Variants in AFAP1L2 observed in about 807,000 individuals in gnomAD.
The protein encoded by AFAP1L2 is actin filament-associated protein 1-like 2.
AFAP1L2 carries 46 observed loss-of-function variants against 99.3 expected under a neutral mutation model. That is an observed-to-expected ratio of 0.46 (90% CI 0.37 to 0.59). AFAP1L2 has a LOEUF of 0.59. Among genes scored for constraint, AFAP1L2 ranks in the 20% least tolerant of loss-of-function variants. The probability of loss-of-function intolerance (pLI) is 0.00; values close to 1 mark genes in which losing one functional copy is unlikely to be tolerated. For missense variants in AFAP1L2, 959 were observed against 1,034.9 expected (o/e 0.93, Z 1.01); for synonymous variants, 397 against 419.1 (o/e 0.95, Z 0.64).
chr10:114,347,011 A>G (rs2049701680), intron 1 of AFAP1L2, among the ~76,000 whole-genome samples: 1 of 152,194 alleles, frequency 6.6e-6, no homozygotes, highest in Non-Finnish European at 1.5e-5. Flanking sequence ...CTATGCACAC[A>G]TTTTTATTTA....
chr10:114,340,975 C>A, intron 1 of AFAP1L2: 2 of 561,880 alleles, frequency 3.6e-6, no homozygotes, highest in Non-Finnish European at 6.3e-6. Context: ...GAAGTCCCAG[C>A]CCTACCAGGT....
chr10:114,356,442 A>G (rs576641029), intron 1 of AFAP1L2, among the ~76,000 whole-genome samples: 12 of 152,226 alleles, frequency 7.9e-5, no homozygotes, highest in Non-Finnish European at 1.5e-4. Flanking sequence ...AATATTGATG[A>G]CATGTTGAAA....
intron 1 of AFAP1L2, among the ~76,000 whole-genome samples, chr10:114,371,528 T>C (rs1031291237): frequency 6.6e-6 from 1 of 152,064 alleles, no homozygotes; most frequent in Non-Finnish European, 1.5e-5. Context: ...TTTTTCTTTT[T>C]TTAAAAAAAA....
chr10:114,383,354 G>A (rs2055981129), intron 1 of AFAP1L2, among the ~76,000 whole-genome samples: 1 of 151,938 alleles, frequency 6.6e-6, no homozygotes, highest in Non-Finnish European at 1.5e-5. Context: ...AAGGAAAGAT[G>A]GAAGGGAGGG....
rs78540085 is a variant in AFAP1L2, at chr10:114,393,819, G to A, written c.16+10621C>T. On this transcript the variant is annotated intron_variant, in intron 1 of 18. Coordinates refer to ENST00000304129, the MANE Select transcript of AFAP1L2 (RefSeq NM_001001936.3). ...CCAAAGCAGCCTCAGAAGGGCGGGA[G>A]ATGGGCGCTTGCCCGCTGAGAAGCA... Among the ~76,000 whole-genome samples, 74 of 152,370 alleles carry A rather than the reference G, an allele frequency of 4.9e-4. 1 individual carries two copies. Among genetic ancestry groups the A allele is most frequent in the African/African-American group, 1.6e-3 (68 of 41,592 alleles).
At chr10:114,374,340 C>G (rs967305054) in intron 1 of AFAP1L2, among the ~76,000 whole-genome samples, 3 of 152,192 alleles carry the variant, frequency 2.0e-5, no homozygotes, top group African/African-American at 4.8e-5. Flanking sequence ...GTGAGACAAA[C>G]AGCACAGCTG....
At chr10:114,395,440 C>T (rs1175489195) in intron 1 of AFAP1L2, among the ~76,000 whole-genome samples, 3 of 152,160 alleles carry the variant, frequency 2.0e-5, no homozygotes, top group African/African-American at 4.8e-5. Flanking sequence ...TCCAAAAGGA[C>T]CACATTTGAA....
chr10:114,401,246 C>T (rs1357388328), intron 1 of AFAP1L2, among the ~76,000 whole-genome samples: 1 of 152,174 alleles, frequency 6.6e-6, no homozygotes, highest in Admixed American at 6.5e-5. Context: ...AAGTATGATG[C>T]AATTTCAGGA....
intron 1 of AFAP1L2, among the ~76,000 whole-genome samples, chr10:114,381,795 A>AT (rs1224700033): frequency 1.3e-5 from 2 of 152,158 alleles, no homozygotes; most frequent in African/African-American, 4.8e-5. Context: ...TCCTTCACAC[A>AT]TAAAAAGCTC....
At chr10:114,328,761 T>C (rs1467976471) in intron 4 of AFAP1L2, among the ~76,000 whole-genome samples, 2 of 152,212 alleles carry the variant, frequency 1.3e-5, no homozygotes, top group Non-Finnish European at 2.9e-5. Context: ...CTAAGAGTGA[T>C]GGCTGCTTCA....
chr10:114,329,309 G>A (rs745791951), intron 4 of AFAP1L2, among the ~76,000 whole-genome samples: 2 of 152,174 alleles, frequency 1.3e-5, no homozygotes, highest in Non-Finnish European at 2.9e-5. Context: ...GGCCCGCAGG[G>A]ACTCTCCGTG....
chr10:114,281,272 G>T, the AFAP1L2 span: 1 of 152,326 alleles, frequency 6.6e-6, no homozygotes, highest in East Asian at 1.9e-4. Flanking sequence ...CCAACCCAGA[G>T]TGGGGCTTTC....
Position 114,299,295 on chromosome 10 carries a change from T to C in AFAP1L2, c.2078A>G (p.Lys693Arg). 1 of 1,614,256 alleles carries C rather than the reference T, an allele frequency of 6.2e-7. No individual in the cohort carries two copies. Among genetic ancestry groups the C allele is most frequent in the Non-Finnish European group, 8.5e-7 (1 of 1,180,038 alleles). The change falls in exon 16 of 19, where the codon AAA (lysine) becomes AGA (arginine). Residue 693 changes from lysine (K) to arginine (R), a missense_variant. Transcript: ENST00000304129. ...RGHLAQLRKEKRELKETLLKC... is the reference protein window; with the variant it reads ...RGHLAQLRKERRELKETLLKC... The stretch of plus-strand genomic sequence containing the variant: ...CAGTAGGGTTTCCTTTAGCTCCCGT[T>C]TCTCTTTCCGGAGCTGAGCCAGGTG...
intron 1 of AFAP1L2, among the ~76,000 whole-genome samples, chr10:114,398,427 G>C (rs1159439768): frequency 6.6e-6 from 1 of 152,250 alleles, no homozygotes; most frequent in African/African-American, 2.4e-5. Context: ...AAAGCACACA[G>C]TGGGCAGAGC....
intron 1 of AFAP1L2, among the ~76,000 whole-genome samples, chr10:114,403,900 G>A (rs2058466773): frequency 1.3e-5 from 2 of 152,206 alleles, no homozygotes; most frequent in African/African-American, 2.4e-5. Context: ...GGAGAGAAAC[G>A]ATGACCCGAA....
At position 114,297,026 on chromosome 10, in the gene AFAP1L2, A is replaced by G; in HGVS notation, c.2382T>C (p.Pro794=). ...VNSATTLKNR[P]LSVVVTGKGT... is the part of the protein sequence containing the mutation. ...CTTTGCCTGTGACCACGACCGAGAG[A>G]GGCCTGTTCTTGAGTGTGGTTGCAG... The change falls in exon 18 of 19, where the codon CCT becomes CCC. Residue 794 remains proline (P), a synonymous_variant. Transcript: ENST00000304129. The G allele has an allele frequency of 1.2e-6, 2 of 1,613,966 alleles. No homozygotes were observed. The highest frequency in any genetic ancestry group is 1.7e-6 in the Non-Finnish European group (2 of 1,179,978).
At chr10:114,322,586 G>C (rs887834416) in intron 5 of AFAP1L2, among the ~76,000 whole-genome samples, 1 of 152,196 alleles carries the variant, frequency 6.6e-6, no homozygotes, top group African/African-American at 2.4e-5. Flanking sequence ...TAACTCCCCT[G>C]TCCTGCAGAA....
chr10:114,373,472 A>C (rs2054389962), intron 1 of AFAP1L2, among the ~76,000 whole-genome samples: 1 of 152,070 alleles, frequency 6.6e-6, no homozygotes, highest in African/African-American at 2.4e-5. Flanking sequence ...TAAAAATACA[A>C]AAATTAGCTG....
intron 1 of AFAP1L2, among the ~76,000 whole-genome samples, chr10:114,352,050 A>G (rs905018336): frequency 2.6e-5 from 4 of 152,184 alleles, no homozygotes; most frequent in Non-Finnish European, 5.9e-5. Flanking sequence ...AACCTCCTAA[A>G]GTGCTTATAC....
Sources: gnomAD v4.1 joint callset for allele counts (sites outside exome capture counted in the v4.1 genomes callset) on GRCh38, gnomAD v4.1.1 for gene constraint, MANE v1.5 for transcripts, NCBI Gene and HGNC (gene_info 2026-07-23, HGNC 2026-07-21) for gene names.